Variants in HS3ST4 observed in about 807,000 individuals in gnomAD.
HS3ST4 encodes the protein heparan sulfate glucosamine 3-O-sulfotransferase 4.
Under a neutral mutation model 29.2 loss-of-function variants are expected in HS3ST4, and 17 were observed. The observed-to-expected ratio is 0.58, with a 90% CI of 0.40 to 0.87. HS3ST4 has a LOEUF of 0.87. Among genes scored for constraint, HS3ST4 ranks in the 40% least tolerant of loss-of-function variants. The pLI is 0.00. For synonymous variants in HS3ST4, 314 were observed against 285.7 expected (o/e 1.10, Z -1.00); for missense variants, 627 against 634.5 (o/e 0.99, Z 0.13).
intron 1 of HS3ST4, among the ~76,000 whole-genome samples, chr16:25,804,609 T>C (rs900786317): frequency 1.3e-5 from 2 of 152,166 alleles, no homozygotes; most frequent in East Asian, 1.9e-4. Context: ...TTGTTGTATG[T>C]TATGTTTAAA....
At chr16:25,721,754 A>G (rs1036969740) in intron 1 of HS3ST4, among the ~76,000 whole-genome samples, 3 of 152,214 alleles carry the variant, frequency 2.0e-5, no homozygotes, top group African/African-American at 4.8e-5. Flanking sequence ...AATGAAAGAG[A>G]AGGAGGGAAA....
At chr16:25,898,814 A>C (rs1470012895) in intron 1 of HS3ST4, among the ~76,000 whole-genome samples, 6 of 152,226 alleles carry the variant, frequency 3.9e-5, no homozygotes, top group Non-Finnish European at 8.8e-5. Context: ...ATAGAGCAAC[A>C]CCAAACCAAG....
chr16:26,123,035 T>C (rs149548681), intron 1 of HS3ST4, among the ~76,000 whole-genome samples: 2,595 of 148,920 alleles, frequency 0.017, 66 homozygotes, highest in African/African-American at 0.06. Flanking sequence ...GCCTGGGTGA[T>C]AGAGTGAGAC....
At chr16:25,774,653 T>C (rs976027480) in intron 1 of HS3ST4, among the ~76,000 whole-genome samples, 5 of 152,114 alleles carry the variant, frequency 3.3e-5, no homozygotes, top group Admixed American at 1.3e-4. Context: ...TACCCCAACG[T>C]GTGGATGAAA....
At chr16:25,951,245 C>A (rs1159073297) in intron 1 of HS3ST4, among the ~76,000 whole-genome samples, 3 of 152,206 alleles carry the variant, frequency 2.0e-5, no homozygotes, top group Non-Finnish European at 4.4e-5. Flanking sequence ...AGCCTGCAGC[C>A]ACTGCCAGTT....
intron 1 of HS3ST4, among the ~76,000 whole-genome samples, chr16:26,082,714 A>C (rs1898738434): frequency 6.6e-6 from 1 of 152,166 alleles, no homozygotes; most frequent in Admixed American, 6.5e-5. Flanking sequence ...CCCTAACCTG[A>C]AGCAGCAAAC....
intron 1 of HS3ST4, among the ~76,000 whole-genome samples, chr16:25,743,892 G>A (rs1966670138): frequency 6.6e-6 from 1 of 152,148 alleles, no homozygotes; most frequent in Non-Finnish European, 1.5e-5. Context: ...GAGTCTTACT[G>A]TTCTAGAACT....
rs1969543173 is a variant in HS3ST4 at position 26,032,750 on chromosome 16, G to A, written c.735-102862G>A. On this transcript the variant is annotated intron_variant, in intron 1 of 1. Coordinates refer to ENST00000331351, the MANE Select transcript of HS3ST4 (RefSeq NM_006040.3). Reference sequence around the variant, plus strand: ...AGACAACCTCGCGGATCTTCTCTGTGGTTCGTCCTTCACCTTGGCTTTATC... The same window carrying A: ...AGACAACCTCGCGGATCTTCTCTGTAGTTCGTCCTTCACCTTGGCTTTATC... 3.6e-6 allele frequency: 4 copies of A among 1,101,926 alleles called. No individual in the cohort carries two copies. In the East Asian group the frequency reaches 9.4e-5, roughly 26 times the overall value. 68.3% of individuals were successfully genotyped at this position (1,101,926 alleles called of 1,614,324 possible).
chr16:25,718,024 G>C (rs1966468635), intron 1 of HS3ST4, among the ~76,000 whole-genome samples: 1 of 152,156 alleles, frequency 6.6e-6, no homozygotes, highest in South Asian at 2.1e-4. Flanking sequence ...GGGTGAGAGA[G>C]AGGAAAGTCA....
At chr16:25,837,463 A>G (rs900490365) in intron 1 of HS3ST4, among the ~76,000 whole-genome samples, 5 of 152,224 alleles carry the variant, frequency 3.3e-5, no homozygotes, top group African/African-American at 9.6e-5. Flanking sequence ...TAAAAAGACT[A>G]GGGCATGGGG....
At chr16:25,917,466 C>T (rs1216504285) in intron 1 of HS3ST4, among the ~76,000 whole-genome samples, 1 of 152,236 alleles carries the variant, frequency 6.6e-6, no homozygotes, top group Non-Finnish European at 1.5e-5. Context: ...CCACCTCAGC[C>T]ATCTAAAGTG....
intron 1 of HS3ST4, among the ~76,000 whole-genome samples, chr16:25,706,729 A>C (rs1966378791): frequency 6.6e-6 from 1 of 152,228 alleles, no homozygotes; most frequent in Non-Finnish European, 1.5e-5. Flanking sequence ...ATGTTAGATT[A>C]GCTGGCAAAG....
At chr16:25,703,831 A>G (rs145624582) in intron 1 of HS3ST4, among the ~76,000 whole-genome samples, 8 of 152,160 alleles carry the variant, frequency 5.3e-5, no homozygotes, top group Middle Eastern at 3.4e-3. Context: ...TCTTTCCTTT[A>G]GGTGTTGGCT....
At chr16:25,898,286 A>G (rs1968090626) in intron 1 of HS3ST4, among the ~76,000 whole-genome samples, 1 of 152,246 alleles carries the variant, frequency 6.6e-6, no homozygotes, top group African/African-American at 2.4e-5. Context: ...CATAGTTAAT[A>G]CTTATTTTAT....
intron 1 of HS3ST4, among the ~76,000 whole-genome samples, chr16:25,749,285 G>C (rs1489658186): frequency 6.6e-6 from 1 of 152,140 alleles, no homozygotes; most frequent in Non-Finnish European, 1.5e-5. Context: ...CTTGAGCCCA[G>C]GAGTTCAAGA....
intron 1 of HS3ST4, among the ~76,000 whole-genome samples, chr16:25,813,570 C>T (rs1967064065): frequency 6.6e-6 from 1 of 152,158 alleles, no homozygotes; most frequent in Admixed American, 6.5e-5. Flanking sequence ...GCAATCTAGC[C>T]TGGGCAGCAA....
chr16:26,004,484 G>T (rs767343281), intron 1 of HS3ST4, among the ~76,000 whole-genome samples: 2 of 152,096 alleles, frequency 1.3e-5, no homozygotes, highest in African/African-American at 2.4e-5. Flanking sequence ...AGGTAAAAGG[G>T]CCCTCAAATG....
At chr16:26,065,756 TGA>T (rs1898534840) in intron 1 of HS3ST4, among the ~76,000 whole-genome samples, 1 of 152,224 alleles carries the variant, frequency 6.6e-6, no homozygotes, top group African/African-American at 2.4e-5. Flanking sequence ...CAACATTTAT[TGA>T]GAGTTCTTAG....
intron 1 of HS3ST4, among the ~76,000 whole-genome samples, chr16:25,782,417 T>A (rs1419161970): frequency 6.6e-6 from 1 of 152,232 alleles, no homozygotes; most frequent in East Asian, 1.9e-4. Context: ...CCAAGTTGTC[T>A]TTTTGCCTCT....
Sources: gnomAD v4.1 joint callset for allele counts (sites outside exome capture counted in the v4.1 genomes callset) on GRCh38, gnomAD v4.1.1 for gene constraint, MANE v1.5 for transcripts, NCBI Gene and HGNC (gene_info 2026-07-23, HGNC 2026-07-21) for gene names.